Variants in FAT3 observed in about 807,000 individuals in gnomAD.
FAT3 encodes protocadherin Fat 3.
Under a neutral mutation model 310.2 loss-of-function variants are expected in FAT3, and 95 were observed. The ratio of observed to expected loss-of-function variants is 0.31; its 90% CI spans 0.26 to 0.36. The LOEUF (loss-of-function observed/expected upper bound fraction) is 0.36, where lower values mean the gene tolerates loss of function less well. Ranked by LOEUF, FAT3 falls within the 10% of genes least tolerant of loss-of-function variation. FAT3 has a pLI of 1.00. For synonymous variants in FAT3, 2,314 were observed against 2,192.9 expected, an observed-to-expected ratio of 1.06 and a Z score of -1.54; for missense variants, 5,408 against 5,715.6, an observed-to-expected ratio of 0.95 and a Z score of 1.74.
chr11:92,311,025 TATATATATACATACAC>T (rs1390773432), intron 1 of FAT3, among the ~76,000 whole-genome samples: 1 of 151,582 alleles, frequency 6.6e-6, no homozygotes, highest in Non-Finnish European at 1.5e-5. Context: ...CACATATATG[TATATATATACATACAC>T]ATATATATAC....
At position 92,525,070 on chromosome 11, in the gene FAT3, T is replaced by C; in HGVS notation, c.3607+122T>C. ...AGAATAGCATCTTCCTTTCTGAGAA[T>C]GGTTTCTGAAAAGGTGAGTGCCACT... On this transcript the variant is annotated intron_variant, in intron 3 of 27. Transcript: ENST00000525166. The C allele has an allele frequency of 3.4e-6, 3 of 875,158 alleles. No homozygotes were observed. In the East Asian group the frequency reaches 7.9e-5, roughly 23 times the overall value. The allele number at this position is 875,158 out of a possible 1,614,324, so 54.2% of individuals were successfully genotyped here. A position where few individuals can be genotyped will look rare whatever the true frequency, so the allele number is the denominator to read the frequency against.
At chr11:92,825,341 A>G (rs894099279) in intron 13 of FAT3, among the ~76,000 whole-genome samples, 5 of 152,210 alleles carry the variant, frequency 3.3e-5, no homozygotes, top group Non-Finnish European at 5.9e-5. Context: ...TAAAAGGTAC[A>G]TTAATCTACT....
At chr11:92,337,182 C>T (rs1948110038) in intron 1 of FAT3, among the ~76,000 whole-genome samples, 1 of 152,196 alleles carries the variant, frequency 6.6e-6, no homozygotes, top group Non-Finnish European at 1.5e-5. Flanking sequence ...CTATTTGCTA[C>T]ACTGTTTCCC....
rs750252211 is a variant in FAT3, at chr11:92,224,980, C to CCGGCGGCGG, written c.-200_-192dup. ...GCTCCCCTCCTCCGCTTGCGAACCCCCGGCGGCGGCGGCGGCGGCGTCCCG... is the reference window on the plus strand; with the variant it reads ...GCTCCCCTCCTCCGCTTGCGAACCCCCGGCGGCGGCGGCGGCGGCGGCGGCGGCGTCCCG... On this transcript the variant is annotated 5_prime_UTR_variant, in exon 1 of 28. Transcript: ENST00000525166. Among the ~76,000 whole-genome samples, 4 of 152,046 alleles carry CCGGCGGCGG rather than the reference C, an allele frequency of 2.6e-5. No homozygotes were observed. The highest frequency in any genetic ancestry group is 7.2e-5 in the African/African-American group (3 of 41,422).
chr11:92,664,275 A>G (rs1355794247), intron 3 of FAT3, among the ~76,000 whole-genome samples: 1 of 152,178 alleles, frequency 6.6e-6, no homozygotes, highest in Non-Finnish European at 1.5e-5. Flanking sequence ...TTACTAATCT[A>G]TTGTATTGTA....
intron 7 of FAT3, among the ~76,000 whole-genome samples, chr11:92,788,845 A>G (rs997113040): frequency 1.3e-5 from 2 of 152,310 alleles, no homozygotes; most frequent in Middle Eastern, 3.4e-3. Context: ...AGTTTCTTCA[A>G]TAACAACAAT....
intron 1 of FAT3, among the ~76,000 whole-genome samples, chr11:92,242,201 C>G (rs529792682): frequency 6.6e-6 from 1 of 152,140 alleles, no homozygotes; most frequent in South Asian, 2.1e-4. Flanking sequence ...ATTAAGGTAT[C>G]GAATCAAACA....
intron 12 of FAT3, 83 bp from the exon 13 acceptor site, chr11:92,809,760 G>A (rs1947617221): frequency 4.9e-6 from 5 of 1,020,122 alleles, no homozygotes; most frequent in Admixed American, 2.3e-5. Context: ...GTTGAGAATT[G>A]TTTGTATAAT....
At chr11:92,818,583 T>G (rs752090023) in intron 13 of FAT3, among the ~76,000 whole-genome samples, 1 of 152,142 alleles carries the variant, frequency 6.6e-6, no homozygotes, top group Non-Finnish European at 1.5e-5. Flanking sequence ...TATCCCCAAA[T>G]GTACCCAAGA....
At chr11:92,619,499 T>A (rs987103760) in intron 3 of FAT3, among the ~76,000 whole-genome samples, 9 of 152,192 alleles carry the variant, frequency 5.9e-5, no homozygotes, top group African/African-American at 7.2e-5. Context: ...CTTTTATCTG[T>A]GGGAAGATTT....
chr11:92,369,113 G>A (rs940884906), intron 2 of FAT3, among the ~76,000 whole-genome samples: 2 of 152,036 alleles, frequency 1.3e-5, no homozygotes, highest in African/African-American at 2.4e-5. Context: ...GATGTAAAAT[G>A]TAATCAAGGG....
intron 1 of FAT3, among the ~76,000 whole-genome samples, chr11:92,322,522 C>T (rs1947650943): frequency 6.6e-6 from 1 of 152,196 alleles, no homozygotes; most frequent in African/African-American, 2.4e-5. Flanking sequence ...TCCTCTGTAG[C>T]ATGCGATGCT....
intron 7 of FAT3, among the ~76,000 whole-genome samples, chr11:92,788,795 A>G (rs1946964465): frequency 6.6e-6 from 1 of 152,172 alleles, no homozygotes; most frequent in Non-Finnish European, 1.5e-5. Context: ...CGATGCTATG[A>G]GCAAAATTCA....
At chr11:92,430,316 T>C (rs1207451843) in intron 2 of FAT3, among the ~76,000 whole-genome samples, 1 of 152,184 alleles carries the variant, frequency 6.6e-6, no homozygotes, top group Non-Finnish European at 1.5e-5. Context: ...TGCATTGGGT[T>C]CTGAAGCCTA....
intron 1 of FAT3, among the ~76,000 whole-genome samples, chr11:92,304,265 T>A (rs951855925): frequency 6.6e-6 from 1 of 151,842 alleles, no homozygotes; most frequent in African/African-American, 2.4e-5. Context: ...CTTCCTGGAG[T>A]GGTTTCTCTG....
intron 2 of FAT3, among the ~76,000 whole-genome samples, chr11:92,403,681 G>T (rs1468897251): frequency 6.6e-6 from 1 of 152,184 alleles, no homozygotes; most frequent in Admixed American, 6.5e-5. Flanking sequence ...GAATGTGTAG[G>T]ACAATGCACT....
intron 1 of FAT3, among the ~76,000 whole-genome samples, chr11:92,325,693 A>G (rs1451193102): frequency 6.6e-6 from 1 of 152,156 alleles, no homozygotes; most frequent in Non-Finnish European, 1.5e-5. Context: ...GTGCAGTGGT[A>G]TGATCTTGGC....
At chr11:92,599,960 G>A (rs115409155) in intron 3 of FAT3, among the ~76,000 whole-genome samples, 1,750 of 152,320 alleles carry the variant, frequency 0.011, 39 homozygotes, top group African/African-American at 0.04. Context: ...ATCACACAGT[G>A]CTGTAATGAA....
intron 2 of FAT3, among the ~76,000 whole-genome samples, chr11:92,429,894 C>T (rs1167816002): frequency 2.0e-5 from 3 of 152,104 alleles, no homozygotes; most frequent in Non-Finnish European, 4.4e-5. Flanking sequence ...GTGGTGTTCT[C>T]TCTATTTCCT....
Sources: gnomAD v4.1 joint callset for allele counts (sites outside exome capture counted in the v4.1 genomes callset) on GRCh38, gnomAD v4.1.1 for gene constraint, MANE v1.5 for transcripts, NCBI Gene and HGNC (gene_info 2026-07-23, HGNC 2026-07-21) for gene names.